RPH3A: variants seen among roughly 807,000 people sequenced by gnomAD.
The protein encoded by RPH3A is rabphilin 3A, also known as rabphilin-3A.
In RPH3A, 48 loss-of-function variants were observed where a neutral mutation model predicts 102.2. That is an observed-to-expected ratio of 0.47 (90% CI 0.37 to 0.60). The LOEUF is 0.60. Ranked by LOEUF, RPH3A falls within the 20% of genes least tolerant of loss-of-function variation. RPH3A has a pLI of 0.00. For missense variants in RPH3A, 781 were observed against 910.1 expected (o/e 0.86, Z 1.83); for synonymous variants, 310 against 324.3 (o/e 0.96, Z 0.47).
At chr12:112,712,925 C>CTCT (rs529826755) in intron 1 of RPH3A, among the ~76,000 whole-genome samples, 7,260 of 94,184 alleles carry the variant, frequency 0.077, 348 homozygotes, top group Middle Eastern at 0.12. Flanking sequence ...CTTCTTCTTC[C>CTCT]TCTTCTTCTT....
intron 1 of RPH3A, among the ~76,000 whole-genome samples, chr12:112,576,908 C>CTTTTTT (rs1491257403): frequency 1.8e-4 from 16 of 89,858 alleles, no homozygotes; most frequent in South Asian, 1.7e-3. Context: ...TTCTTTTCTT[C>CTTTTTT]CTTTTTTTTT....
At chr12:112,697,312 C>T (rs972648177) in intron 1 of RPH3A, among the ~76,000 whole-genome samples, 4 of 152,168 alleles carry the variant, frequency 2.6e-5, no homozygotes, top group Non-Finnish European at 5.9e-5. Flanking sequence ...TTTAATTTTA[C>T]TACTATATAC....
In RPH3A at chr12:112,690,773, A is replaced by G. The variant is rs971351226; in HGVS notation, c.-139-101370A>G. Among the ~76,000 whole-genome samples the G allele has an allele frequency of 4.6e-5, 7 of 152,302 alleles. No homozygotes were observed. The Middle Eastern group carries it at 0.01, about 222-fold the overall frequency. On this transcript the variant is annotated intron_variant, in intron 1 of 21. Transcript: ENST00000543106. ...GAGCAAATGGATTTCCACTTGCCGT[A>G]TGTATACAAATATTTCTTTTTACAA... is the stretch of plus-strand genomic sequence containing the variant.
At chr12:112,704,645 G>A (rs180746852) in intron 1 of RPH3A, among the ~76,000 whole-genome samples, 1 of 152,202 alleles carries the variant, frequency 6.6e-6, no homozygotes. Flanking sequence ...GTGCCTTCCA[G>A]TCCTGCTGAT....
chr12:112,886,970 C>T (rs2136257840), intron 16 of RPH3A, among the ~76,000 whole-genome samples: 2 of 152,210 alleles, frequency 1.3e-5, no homozygotes, highest in Middle Eastern at 6.9e-3. Context: ...TACTATGACC[C>T]ATCCAGAAAG....
chr12:112,604,640 T>G (rs915429124), intron 1 of RPH3A, among the ~76,000 whole-genome samples: 6 of 152,214 alleles, frequency 3.9e-5, no homozygotes, highest in African/African-American at 1.4e-4. Flanking sequence ...ACATTTACGA[T>G]CTCATGTACT....
intron 2 of RPH3A, among the ~76,000 whole-genome samples, chr12:112,809,030 G>T (rs1422059795): frequency 6.6e-6 from 1 of 152,090 alleles, no homozygotes; most frequent in Admixed American, 6.6e-5. Flanking sequence ...TTTTAACCCT[G>T]CCTCCAAGGT....
intron 2 of RPH3A, among the ~76,000 whole-genome samples, chr12:112,817,313 C>G (rs975665946): frequency 3.9e-5 from 6 of 152,076 alleles, no homozygotes; most frequent in Non-Finnish European, 7.4e-5. Context: ...CTTTCTATTC[C>G]CAAAATGTTT....
intron 1 of RPH3A, among the ~76,000 whole-genome samples, chr12:112,738,605 C>T (rs914443442): frequency 3.9e-5 from 6 of 151,912 alleles, no homozygotes; most frequent in African/African-American, 1.2e-4. Flanking sequence ...TAGAAGGGGG[C>T]GGGAAGGGTC....
At position 112,612,017 on chromosome 12, in the gene RPH3A, G is replaced by A. The variant is rs2039642829; in HGVS notation, c.-140+36698G>A. Among the ~76,000 whole-genome samples, 3 of 152,252 alleles carry A rather than the reference G, an allele frequency of 2.0e-5. No individual in the cohort carries two copies. In the South Asian group the frequency reaches 6.2e-4, roughly 32 times the overall value. ...TACCACATTTCCTCTGATCTTGTGT[G>A]GCATTCTTGGAACCGTAATGAAATC... On this transcript the variant is annotated intron_variant, in intron 1 of 21. Transcript: ENST00000543106.
At chr12:112,579,674 C>A (rs560807365) in intron 1 of RPH3A, among the ~76,000 whole-genome samples, 3 of 152,286 alleles carry the variant, frequency 2.0e-5, no homozygotes. Flanking sequence ...TCCTCTGTTT[C>A]TGGTCCATCC....
intron 1 of RPH3A, among the ~76,000 whole-genome samples, chr12:112,656,972 G>A (rs1592928921): frequency 6.6e-6 from 1 of 151,986 alleles, no homozygotes; most frequent in Non-Finnish European, 1.5e-5. Context: ...ATCCAGTAGT[G>A]GAATTTCTGG....
intron 20 of RPH3A, chr12:112,895,345 C>G (rs1565949834): frequency 1.9e-5 from 3 of 156,760 alleles, no homozygotes; most frequent in Admixed American, 6.2e-5. Flanking sequence ...TCAAATGAGC[C>G]ACCATCTCAG....
At chr12:112,580,110 TTC>T (rs1007952378) in intron 1 of RPH3A, among the ~76,000 whole-genome samples, 2 of 152,102 alleles carry the variant, frequency 1.3e-5, no homozygotes, top group Non-Finnish European at 2.9e-5. Context: ...ATCTCTGTCT[TTC>T]TCTCTCTGTC....
chr12:112,677,773 GCTAGCCTCGGCAGCCATTAT>G (rs935442561), intron 1 of RPH3A, among the ~76,000 whole-genome samples: 5 of 152,066 alleles, frequency 3.3e-5, no homozygotes, highest in Non-Finnish European at 7.3e-5. Context: ...CGGCAAAGCA[GCTAGCCTCGGCAGCCATTAT>G]CCTTGTGATT....
chr12:112,784,302 AC>A (rs1322590735), intron 1 of RPH3A, among the ~76,000 whole-genome samples: 5 of 151,588 alleles, frequency 3.3e-5, no homozygotes, highest in African/African-American at 1.2e-4. Flanking sequence ...GTCCAACCTC[AC>A]CCCCAGGCAG....
chr12:112,779,014 G>A (rs995906580), intron 1 of RPH3A, among the ~76,000 whole-genome samples: 4 of 152,230 alleles, frequency 2.6e-5, no homozygotes, highest in Admixed American at 6.5e-5. Flanking sequence ...ATCAGGAACA[G>A]GGAATGCATG....
intron 5 of RPH3A, chr12:112,850,746 A>AGAGAG (rs2042309552): frequency 6.6e-6 from 1 of 152,276 alleles, no homozygotes; most frequent in Non-Finnish European, 1.5e-5. Context: ...GTGAAACATC[A>AGAGAG]GACATGGAGC....
intron 15 of RPH3A, 83 bp from the exon 16 acceptor site, chr12:112,883,210 C>A: frequency 9.6e-7 from 1 of 1,039,068 alleles, no homozygotes; most frequent in Non-Finnish European, 1.5e-6. Flanking sequence ...CACCCACCCA[C>A]CCCACGTCAG....
Sources: allele counts gnomAD v4.1 joint callset (sites outside exome capture counted in the v4.1 genomes callset), GRCh38; gene constraint gnomAD v4.1.1; transcripts MANE v1.5; gene names NCBI Gene and HGNC (gene_info 2026-07-23, HGNC 2026-07-21).